KLHL13: variants seen among roughly 807,000 people sequenced by gnomAD.
The protein encoded by KLHL13 is kelch like family member 13.
A neutral mutation model predicts 37.1 loss-of-function variants in KLHL13; 10 were observed. That is an observed-to-expected ratio of 0.27 (90% CI 0.17 to 0.46). The LOEUF (loss-of-function observed/expected upper bound fraction) is 0.46, where lower values mean the gene tolerates loss of function less well. Among genes scored for constraint, KLHL13 ranks in the 20% least tolerant of loss-of-function variants. The pLI is 1.00. For synonymous variants in KLHL13, 163 were observed against 181.2 expected, an observed-to-expected ratio of 0.90 and a Z score of 0.81; for missense variants, 360 against 509.3, an observed-to-expected ratio of 0.71 and a Z score of 2.82.
chrX:118,083,710 G>A (rs1012751337), intron 1 of KLHL13, among the ~76,000 whole-genome samples: 8 of 111,131 alleles, frequency 7.2e-5, no homozygotes, highest in African/African-American at 2.6e-4. Context: ...AAATAGAAGA[G>A]AGGATTTCAA....
chrX:117,964,992 G>A (rs1957572423), intron 1 of KLHL13, among the ~76,000 whole-genome samples: 1 of 111,864 alleles, frequency 8.9e-6, no homozygotes, highest in Non-Finnish European at 1.9e-5. Flanking sequence ...TATCATTGAT[G>A]GACATTTGGG....
intron 1 of KLHL13, chrX:117,985,117 A>G: frequency 2.3e-6 from 1 of 436,677 alleles, no homozygotes. Context: ...TGTCTCCTGA[A>G]TTCTACAATA....
chrX:118,078,803 T>A (rs1255532181), intron 1 of KLHL13, among the ~76,000 whole-genome samples: 1 of 111,993 alleles, frequency 8.9e-6, no homozygotes, highest in East Asian at 2.8e-4. Flanking sequence ...CTGGATCATA[T>A]GTTAAGTGTA....
chrX:118,043,102 A>G (rs1363940911), intron 1 of KLHL13, among the ~76,000 whole-genome samples: 1 of 111,611 alleles, frequency 9.0e-6, no homozygotes, highest in Non-Finnish European at 1.9e-5. Flanking sequence ...ACTGGCTACT[A>G]TGAGCAAATA....
At chrX:118,001,661 C>T (rs1443366798) in intron 1 of KLHL13, among the ~76,000 whole-genome samples, 2 of 110,054 alleles carry the variant, frequency 1.8e-5, no homozygotes, top group Non-Finnish European at 3.8e-5. Flanking sequence ...CTCTGGAGTT[C>T]GAGACCAGCC....
At chrX:117,944,799 T>C (rs1008091046) in intron 2 of KLHL13, among the ~76,000 whole-genome samples, 1 of 111,750 alleles carries the variant, frequency 8.9e-6, no homozygotes, top group Non-Finnish European at 1.9e-5. Flanking sequence ...CTAATCCCCG[T>C]GCTAAATAGC....
At chrX:118,105,454 G>A (rs1407560042) in intron 1 of KLHL13, among the ~76,000 whole-genome samples, 2 of 112,507 alleles carry the variant, frequency 1.8e-5, no homozygotes, top group East Asian at 5.5e-4. Context: ...CTGTAAAGTG[G>A]GGCTAATAAT....
chrX:118,112,898 C>T (rs941797033), intron 1 of KLHL13, among the ~76,000 whole-genome samples: 3 of 112,006 alleles, frequency 2.7e-5, no homozygotes, highest in Non-Finnish European at 5.6e-5. Context: ...GGAGAGGCAA[C>T]AGGTAAAAGA....
chrX:118,065,783 A>G (rs1328062004), intron 1 of KLHL13, among the ~76,000 whole-genome samples: 1 of 111,777 alleles, frequency 8.9e-6, no homozygotes, highest in African/African-American at 3.2e-5. Flanking sequence ...ATAGAAGTAA[A>G]AGAAACTCAA....
At chrX:118,027,698 CTTAT>C (rs1334186549) in intron 1 of KLHL13, among the ~76,000 whole-genome samples, 7 of 109,793 alleles carry the variant, frequency 6.4e-5, no homozygotes, top group Admixed American at 9.9e-5. Context: ...ACCTTTCACA[CTTAT>C]TTAATCTTCA....
chrX:118,023,928 T>A (rs1347702298), intron 1 of KLHL13, among the ~76,000 whole-genome samples: 1 of 112,169 alleles, frequency 8.9e-6, no homozygotes, highest in Non-Finnish European at 1.9e-5. Context: ...CAAGCAACGT[T>A]TTGCTCAGGT....
At chrX:117,977,769 C>T (rs557008666), upstream of KLHL13, among the ~76,000 whole-genome samples, 4 of 112,200 alleles carry the variant, frequency 3.6e-5, no homozygotes, top group Admixed American at 1.9e-4. Flanking sequence ...CCAAATAGGA[C>T]GGTTAAACCC....
At chrX:118,041,267 C>T (rs1189817396) in intron 1 of KLHL13, among the ~76,000 whole-genome samples, 1 of 112,327 alleles carries the variant, frequency 8.9e-6, no homozygotes, top group African/African-American at 3.2e-5. Context: ...TGGCTCATGC[C>T]TGTAGCCCCA....
chrX:118,052,702 C>A (rs942906032), intron 1 of KLHL13, among the ~76,000 whole-genome samples: 5 of 109,023 alleles, frequency 4.6e-5, no homozygotes, highest in Non-Finnish European at 9.5e-5. Flanking sequence ...CTGGGCGCAC[C>A]TGTAATCGCA....
intron 4 of KLHL13, among the ~76,000 whole-genome samples, chrX:117,917,443 G>A (rs945467010): frequency 4.5e-5 from 5 of 110,851 alleles, no homozygotes; most frequent in Non-Finnish European, 9.5e-5. Context: ...GATATTTAAG[G>A]CAATATTAAG....
At chrX:118,050,808 C>A (rs188305403) in intron 1 of KLHL13, among the ~76,000 whole-genome samples, 1 of 111,853 alleles carries the variant, frequency 8.9e-6, no homozygotes, top group Non-Finnish European at 1.9e-5. Context: ...AAAATATGAG[C>A]AAGACAGCAT....
chrX:118,060,244 C>T (rs1440234290), intron 1 of KLHL13, among the ~76,000 whole-genome samples: 1 of 111,577 alleles, frequency 9.0e-6, no homozygotes, highest in Non-Finnish European at 1.9e-5. Context: ...ACAAAGGTTA[C>T]AATAATATCT....
chrX:118,061,673 G>A, intron 1 of KLHL13, among the ~76,000 whole-genome samples: 1 of 111,417 alleles, frequency 9.0e-6, no homozygotes, highest in Non-Finnish European at 1.9e-5. Context: ...TGCAGTTACT[G>A]CAAAAGCAAT....
At chrX:118,089,669 A>AGAAAG (rs1556002570) in intron 1 of KLHL13, among the ~76,000 whole-genome samples, 1 of 88,096 alleles carries the variant, frequency 1.1e-5, no homozygotes, top group Non-Finnish European at 2.3e-5. Context: ...AAAGAAAGAA[A>AGAAAG]AAAGAAAGTT....
Sources: gnomAD v4.1 joint callset for allele counts (sites outside exome capture counted in the v4.1 genomes callset) on GRCh38, gnomAD v4.1.1 for gene constraint, MANE v1.5 for transcripts, NCBI Gene and HGNC (gene_info 2026-07-23, HGNC 2026-07-21) for gene names.